BEND4: variants seen among roughly 807,000 people sequenced by gnomAD.
The protein encoded by BEND4 is BEN domain-containing protein 4.
BEND4 carries 27 observed loss-of-function variants against 54.7 expected under a neutral mutation model. The observed-to-expected ratio is 0.49, with a 90% CI of 0.36 to 0.68. The LOEUF (loss-of-function observed/expected upper bound fraction) is 0.68, where lower values mean the gene tolerates loss of function less well. Among genes scored for constraint, BEND4 ranks in the 30% least tolerant of loss-of-function variants. The pLI is 0.00. For synonymous variants in BEND4, 327 were observed against 299.5 expected (o/e 1.09, Z -0.95); for missense variants, 702 against 697.2 (o/e 1.01, Z -0.08).
chr4:42,120,145 G>T lies in BEND4; in HGVS notation c.1296C>A (p.Cys432Ter). The T allele has an allele frequency of 6.2e-7, 1 of 1,613,896 alleles. No individual in the cohort carries two copies. The highest frequency in any genetic ancestry group is 8.5e-7 in the Non-Finnish European group (1 of 1,179,834). The change falls in exon 5 of 6, where the codon TGC (cysteine) becomes TGA (stop). Residue 432 changes from cysteine (C) to a stop codon, truncating the protein, a stop_gained. Transcript: ENST00000502486. LOFTEE classifies it high-confidence loss of function. ...VFTTDELKYSCGLGKRKRSVQ... is the reference protein window; with the variant it reads ...VFTTDELKYS ...CTGACCTTTTCCTTTTCCCAAGGCC[G>T]CATGAGTACTTAAGCTCATCGGTTG...
chr4:42,136,517 T>C (rs1381535864), intron 3 of BEND4, among the ~76,000 whole-genome samples: 1 of 152,244 alleles, frequency 6.6e-6, no homozygotes, highest in Non-Finnish European at 1.5e-5. Context: ...TGTGGTGCTT[T>C]TGCAGTCATT....
chr4:42,119,838 T>C (rs1053414513), intron 5 of BEND4: 4 of 558,180 alleles, frequency 7.2e-6, no homozygotes, highest in Non-Finnish European at 1.3e-5. Flanking sequence ...TGCTATGCGA[T>C]GCTTATGTAC....
intron 2 of BEND4, 181 bp downstream of exon 2, chr4:42,151,476 G>A (rs564334882): frequency 1.3e-5 from 7 of 532,340 alleles, no homozygotes. Context: ...AAGCCCAGGC[G>A]CGGCGGCGCT....
chr4:42,148,244 T>C (rs1721146142), intron 2 of BEND4, among the ~76,000 whole-genome samples: 1 of 152,238 alleles, frequency 6.6e-6, no homozygotes, highest in African/African-American at 2.4e-5. Context: ...ATGAACTATG[T>C]CTTTTTTAAA....
intron 3 of BEND4, among the ~76,000 whole-genome samples, chr4:42,127,107 T>C (rs947854479): frequency 6.6e-6 from 1 of 152,218 alleles, no homozygotes; most frequent in African/African-American, 2.4e-5. Context: ...GGAATTATCA[T>C]TTTATGCAAT....
chr4:42,126,856 AAAAACAAAAC>A (rs577821140), intron 3 of BEND4, among the ~76,000 whole-genome samples: 1,637 of 152,328 alleles, frequency 0.011, 12 homozygotes, highest in Middle Eastern at 0.02. Context: ...CAGAAAAAGG[AAAAACAAAAC>A]AAAACAAAAC....
Position 42,131,168 on chromosome 4 carries a change from CAT to C in BEND4, c.1055-5496_1055-5495del, listed in dbSNP as rs1049144554. 4.5e-4 allele frequency among the ~76,000 whole-genome samples: 69 copies of C among 152,254 alleles called. 1 individual carries two copies. The highest frequency in any genetic ancestry group is 4.1e-3 in the Admixed American group (62 of 15,298). ...ACAGGTGCAGCAAACCACAACGGCACATGTTTACCTATGTAACAAACCTGCAC... is the reference window on the plus strand; with the variant it reads ...ACAGGTGCAGCAAACCACAACGGCACGTTTACCTATGTAACAAACCTGCAC... On this transcript the variant is annotated intron_variant, in intron 3 of 5. Coordinates refer to ENST00000502486, the MANE Select transcript of BEND4 (RefSeq NM_207406.4).
chr4:42,141,470 G>C lies in BEND4; in HGVS notation c.1054+1958C>G, dbSNP rs181949833. ...ATATTGGCCGGGTGCTGTGGCTAAT[G>C]CCTGTAGTCCCAGCACTTTGGGGGG... On this transcript the variant is annotated intron_variant, in intron 3 of 5. Coordinates refer to ENST00000502486, the MANE Select transcript of BEND4 (RefSeq NM_207406.4). Among the ~76,000 whole-genome samples the C allele has an allele frequency of 8.5e-3, 1,291 of 152,356 alleles. 9 individuals are homozygous for C. The highest frequency in any genetic ancestry group is 0.014 in the Non-Finnish European group (931 of 68,038).
chr4:42,120,815 G>T (rs1340391362), intron 4 of BEND4, among the ~76,000 whole-genome samples: 1 of 150,796 alleles, frequency 6.6e-6, no homozygotes, highest in South Asian at 2.1e-4. Context: ...TTTTAAGAAG[G>T]GAGAATTGTG....
intron 3 of BEND4, among the ~76,000 whole-genome samples, chr4:42,131,185 C>G (rs1720495569): frequency 6.6e-6 from 1 of 152,126 alleles, no homozygotes; most frequent in Non-Finnish European, 1.5e-5. Flanking sequence ...ACCTATGTAA[C>G]AAACCTGCAC....
At chr4:42,125,738 T>G in intron 3 of BEND4, 64 bp from the exon 4 acceptor site, 4 of 1,152,132 alleles carry the variant, frequency 3.5e-6, no homozygotes, top group Non-Finnish European at 4.8e-6. Context: ...TAAATAAATT[T>G]TTTAAAGTTT....
intron 3 of BEND4, among the ~76,000 whole-genome samples, chr4:42,132,864 T>A (rs1720558285): frequency 1.3e-5 from 2 of 152,158 alleles, no homozygotes; most frequent in African/African-American, 4.8e-5. Flanking sequence ...ATCTAGTAGG[T>A]GTAATGAGAA....
chr4:42,125,304 C>T (rs10223035), intron 4 of BEND4, among the ~76,000 whole-genome samples: 7,220 of 152,250 alleles, frequency 0.047, 242 homozygotes, highest in African/African-American at 0.084. Flanking sequence ...GTCTCTCATT[C>T]CAGGCATCTC....
In BEND4 at chr4:42,119,985, G is replaced by A. The variant is rs367739324; in HGVS notation, c.1387+69C>T. 64 of 1,591,426 alleles carry A rather than the reference G, an allele frequency of 4.0e-5. No individual in the cohort carries two copies. In the East Asian group the frequency reaches 9.2e-4, roughly 23 times the overall value. On this transcript the variant is annotated intron_variant, in intron 5 of 5. Coordinates refer to ENST00000502486, the MANE Select transcript of BEND4 (RefSeq NM_207406.4). ...AATACAGAAGGCTGAACACTTGTAC[G>A]GGGAGAGCCACAGCCAATGCGGTGA...
chr4:42,123,718 C>CAAAAAAAA (rs1034323645), intron 4 of BEND4, among the ~76,000 whole-genome samples: 1 of 78,812 alleles, frequency 1.3e-5, no homozygotes, highest in African/African-American at 4.8e-5. Context: ...AAAAAAAAAA[C>CAAAAAAAA]AACTTTCCAG....
intron 3 of BEND4, among the ~76,000 whole-genome samples, chr4:42,127,737 T>C (rs553822972): frequency 2.2e-4 from 34 of 152,362 alleles, no homozygotes; most frequent in African/African-American, 8.2e-4. Context: ...AGGGTACATA[T>C]GTCACTGCTT....
intron 3 of BEND4, among the ~76,000 whole-genome samples, chr4:42,138,493 C>A (rs1486657343): frequency 6.6e-6 from 1 of 152,028 alleles, no homozygotes; most frequent in Non-Finnish European, 1.5e-5. Context: ...ATGAATAGGT[C>A]TAGAGATTCA....
At chr4:42,136,989 C>T (rs530461087) in intron 3 of BEND4, among the ~76,000 whole-genome samples, 21 of 152,298 alleles carry the variant, frequency 1.4e-4, no homozygotes, top group South Asian at 1.2e-3. Flanking sequence ...CTTTAATATT[C>T]TCTATGTGGT....
At chr4:42,140,967 CTA>C (rs1720859511) in intron 3 of BEND4, among the ~76,000 whole-genome samples, 1 of 152,198 alleles carries the variant, frequency 6.6e-6, no homozygotes, top group Non-Finnish European at 1.5e-5. Flanking sequence ...AGAAATACCC[CTA>C]TGAGATAAAC....
Sources: allele counts gnomAD v4.1 joint callset (sites outside exome capture counted in the v4.1 genomes callset), GRCh38; gene constraint gnomAD v4.1.1; transcripts MANE v1.5; gene names NCBI Gene and HGNC (gene_info 2026-07-23, HGNC 2026-07-21).